The following KMT5B variants were observed in gnomAD, a reference collection of about 807,000 sequenced individuals.
The protein encoded by KMT5B is lysine methyltransferase 5B.
Under a neutral mutation model 83.2 loss-of-function variants are expected in KMT5B, and 10 were observed. That is an observed-to-expected ratio of 0.12 (90% confidence interval 0.07 to 0.20). The LOEUF (loss-of-function observed/expected upper bound fraction) is 0.20, where lower values mean the gene tolerates loss of function less well. Ranked by LOEUF, KMT5B falls within the 10% of genes least tolerant of loss-of-function variation. KMT5B has a pLI of 1.00. For missense variants in KMT5B, 753 were observed against 1,067.2 expected, an observed-to-expected ratio of 0.71 and a Z score of 4.10; for synonymous variants, 349 against 388.8, an observed-to-expected ratio of 0.90 and a Z score of 1.20.
intron 1 of KMT5B, among the ~76,000 whole-genome samples, chr11:68,210,311 A>G (rs921310236): frequency 6.6e-6 from 1 of 152,190 alleles, no homozygotes; most frequent in African/African-American, 2.4e-5. Context: ...CTATCTCATA[A>G]TGACATTTCA....
At chr11:68,163,347 G>A (rs1405439022) in intron 10 of KMT5B, among the ~76,000 whole-genome samples, 2 of 152,226 alleles carry the variant, frequency 1.3e-5, no homozygotes, top group African/African-American at 4.8e-5. Context: ...CATCCAGCTG[G>A]TGAATGGCAG....
rs1387252537 is a variant in KMT5B at position 68,207,722 on chromosome 11, C to T, written c.-77+5416G>A. Among the ~76,000 whole-genome samples, 34 of 144,608 alleles carry T rather than the reference C, an allele frequency of 2.4e-4. No individual in the cohort carries two copies. The East Asian group carries it at 7.1e-3, about 30-fold the overall frequency. The allele number at this position is 144,608 out of a possible 152,430, so 94.9% of individuals were successfully genotyped here. ...AGGAGAATCGCTTGAACCCAGGAGGCAGAGGTTGTGGTGAACCAAGATCGT... is the reference window on the plus strand; with the variant it reads ...AGGAGAATCGCTTGAACCCAGGAGGTAGAGGTTGTGGTGAACCAAGATCGT... On this transcript the variant is annotated intron_variant, in intron 1 of 10. Transcript: ENST00000304363.
chr11:68,156,399 T>A lies in KMT5B; in HGVS notation c.*1289A>T, dbSNP rs1859297693. ...GCTCATTAAGTTAATTAAAATTAAT[T>A]TCTCAAAGTGCTTCAAAAAACAAAT... On this transcript the variant is annotated 3_prime_UTR_variant, in exon 11 of 11. Coordinates refer to ENST00000304363, the MANE Select transcript of KMT5B (RefSeq NM_017635.5). 6.6e-6 allele frequency: 1 copy of A among 152,634 alleles called. No individual in the cohort carries two copies. The highest frequency in any genetic ancestry group is 2.4e-5 in the African/African-American group (1 of 41,458). The allele number at this position is 152,634 out of a possible 1,614,324, so 9.5% of individuals were successfully genotyped here. A position where few individuals can be genotyped will look rare whatever the true frequency, so the allele number is the denominator to read the frequency against.
intron 9 of KMT5B, among the ~76,000 whole-genome samples, chr11:68,170,668 T>C (rs1298313496): frequency 1.3e-5 from 2 of 152,184 alleles, no homozygotes; most frequent in African/African-American, 4.8e-5. Context: ...AGTGGTGAAC[T>C]CCACTTGACA....
At chr11:68,163,599 C>T (rs1855044077) in intron 10 of KMT5B, among the ~76,000 whole-genome samples, 1 of 152,214 alleles carries the variant, frequency 6.6e-6, no homozygotes, top group South Asian at 2.1e-4. Flanking sequence ...ACTGGAAATG[C>T]ACAATCAGCG....
At chr11:68,180,474 T>C (rs546742054) in intron 3 of KMT5B, among the ~76,000 whole-genome samples, 20 of 152,338 alleles carry the variant, frequency 1.3e-4, no homozygotes, top group South Asian at 4.1e-4. Context: ...TAAAATGATA[T>C]TTAAAGTGAT....
At chr11:68,178,560 A>C (rs530603332) in intron 4 of KMT5B, among the ~76,000 whole-genome samples, 2 of 152,326 alleles carry the variant, frequency 1.3e-5, no homozygotes, top group East Asian at 3.9e-4. Flanking sequence ...AACCTGTTAA[A>C]ACTTACTGTC....
chr11:68,203,498 G>A (rs1416902089), intron 1 of KMT5B, among the ~76,000 whole-genome samples: 2 of 152,158 alleles, frequency 1.3e-5, no homozygotes, highest in African/African-American at 4.8e-5. Context: ...CAATAACTAA[G>A]GCTCCACGGA....
At chr11:68,187,378 T>C (rs2153069395) in intron 2 of KMT5B, among the ~76,000 whole-genome samples, 1 of 152,352 alleles carries the variant, frequency 6.6e-6, no homozygotes, top group African/African-American at 2.4e-5. Flanking sequence ...AGTTTTAGTA[T>C]GTTTTATCTT....
At chr11:68,173,973 TAC>T in intron 5 of KMT5B, 60 bp from the exon 6 acceptor site, 2 of 1,210,098 alleles carry the variant, frequency 1.7e-6, no homozygotes, top group Admixed American at 3.6e-5. Flanking sequence ...TAGACTTTCT[TAC>T]AATTATAAAA....
At chr11:68,194,726 T>G (rs1203419292) in intron 1 of KMT5B, among the ~76,000 whole-genome samples, 1 of 152,234 alleles carries the variant, frequency 6.6e-6, no homozygotes, top group African/African-American at 2.4e-5. Context: ...GTCTTTCATA[T>G]TACTTATGTT....
At chr11:68,212,049 G>A (rs754067206) in intron 1 of KMT5B, among the ~76,000 whole-genome samples, 2 of 152,136 alleles carry the variant, frequency 1.3e-5, no homozygotes, top group East Asian at 1.9e-4. Flanking sequence ...ATTATTTCAG[G>A]TAAAAATGGT....
At chr11:68,201,684 A>G (rs1024887491) in intron 1 of KMT5B, among the ~76,000 whole-genome samples, 2 of 152,178 alleles carry the variant, frequency 1.3e-5, no homozygotes, top group African/African-American at 4.8e-5. Flanking sequence ...GCCAGTTGAC[A>G]TGCTGAACTT....
chr11:68,198,845 T>C (rs1859060447), intron 1 of KMT5B, among the ~76,000 whole-genome samples: 1 of 152,178 alleles, frequency 6.6e-6, no homozygotes, highest in African/African-American at 2.4e-5. Context: ...TTCTCCTGCC[T>C]CAACCTCCTG....
At chr11:68,177,868 A>G (rs1856529885) in intron 4 of KMT5B, among the ~76,000 whole-genome samples, 1 of 152,196 alleles carries the variant, frequency 6.6e-6, no homozygotes, top group African/African-American at 2.4e-5. Context: ...AACTACTTGT[A>G]GCCATCACAA....
At chr11:68,184,456 A>G (rs185190755) in intron 3 of KMT5B, among the ~76,000 whole-genome samples, 6 of 152,218 alleles carry the variant, frequency 3.9e-5, no homozygotes, top group Non-Finnish European at 7.3e-5. Flanking sequence ...ACTGTAATTG[A>G]TAAGTGAGGC....
At chr11:68,209,121 A>G (rs935754958) in intron 1 of KMT5B, among the ~76,000 whole-genome samples, 1 of 152,208 alleles carries the variant, frequency 6.6e-6, no homozygotes, top group Non-Finnish European at 1.5e-5. Flanking sequence ...ATTTCTCCAT[A>G]TGATGCAACA....
At chr11:68,212,204 G>A (rs554728989) in intron 1 of KMT5B, among the ~76,000 whole-genome samples, 32 of 152,240 alleles carry the variant, frequency 2.1e-4, no homozygotes, top group Middle Eastern at 3.4e-3. Context: ...AGACCTGTAT[G>A]GCCATCCTCA....
At chr11:68,194,536 T>G (rs1404244184) in intron 1 of KMT5B, among the ~76,000 whole-genome samples, 1 of 152,178 alleles carries the variant, frequency 6.6e-6, no homozygotes, top group Admixed American at 6.5e-5. Context: ...GCATTGAAGA[T>G]TTGAATTTCA....
Sources: allele counts gnomAD v4.1 joint callset (sites outside exome capture counted in the v4.1 genomes callset), GRCh38; gene constraint gnomAD v4.1.1; transcripts MANE v1.5; gene names NCBI Gene and HGNC (gene_info 2026-07-23, HGNC 2026-07-21).